POLR3GL: variants seen among roughly 807,000 people sequenced by gnomAD.
The protein encoded by POLR3GL is RNA polymerase III subunit GL.
In POLR3GL, 26 loss-of-function variants were observed where a neutral mutation model predicts 32.4. The ratio of observed to expected loss-of-function variants is 0.80; its 90% confidence interval spans 0.59 to 1.11. POLR3GL has a LOEUF of 1.11. Among genes scored for constraint, POLR3GL ranks in the 50% most tolerant of loss-of-function variants. The pLI, the probability that POLR3GL is intolerant of heterozygous loss-of-function variation, is 0.00. For missense variants in POLR3GL, 229 were observed against 280.1 expected, an observed-to-expected ratio of 0.82 and a Z score of 1.30; for synonymous variants, 95 against 98.7, an observed-to-expected ratio of 0.96 and a Z score of 0.22.
rs377331471 is a variant in POLR3GL, at chr1:145,973,792, G to A, written c.-41-1033G>A. ...AGAGTGAAGTCCTGCACTGGGAGGG[G>A]TTTAGACTAGATGACCTCTATAAGG... On this transcript the variant is annotated intron_variant, in intron 1 of 7. Coordinates refer to ENST00000369314, the MANE Select transcript of POLR3GL (RefSeq NM_032305.3). Among the ~76,000 whole-genome samples the A allele has an allele frequency of 1.4e-4, 21 of 151,942 alleles. 1 individual carries two copies. The highest frequency in any genetic ancestry group is 9.2e-4 in the Admixed American group (14 of 15,240).
intron 1 of POLR3GL, among the ~76,000 whole-genome samples, chr1:145,970,200 A>C (rs781847463): frequency 1.3e-5 from 2 of 152,146 alleles, no homozygotes; most frequent in Non-Finnish European, 2.9e-5. Flanking sequence ...GGGTGAGTGC[A>C]GTGACATGAT....
chr1:145,970,711 A>G (rs1553762516), intron 1 of POLR3GL, among the ~76,000 whole-genome samples: 1 of 150,942 alleles, frequency 6.6e-6, no homozygotes, highest in Non-Finnish European at 1.5e-5. Context: ...GTCTCTACTA[A>G]AAATACAAAA....
rs1553763813 is a variant in POLR3GL at position 145,978,078 on chromosome 1, T to A, written c.552T>A (p.Asp184Glu). Reference protein sequence around the residue: ...EKEEEEEEEYDEEEHEEETDY... With the variant: ...EKEEEEEEEYEEEEHEEETDY... ...AAGAGGAGGAAGAAGAAGAGTATGA[T>A]GAAGAAGAACATGAAGAGGTGAAGG... is the stretch of plus-strand genomic sequence containing the variant. Residue 184 changes from aspartate (D) to glutamate (E), a missense_variant, in exon 7 of 8, where the codon GAT (aspartate) becomes GAA (glutamate). Transcript: ENST00000369314. 6.2e-7 allele frequency: 1 copy of A among 1,601,784 alleles called. No individual in the cohort carries two copies. The highest frequency in any genetic ancestry group is 1.1e-5 in the South Asian group (1 of 89,968).
intron 2 of POLR3GL, 76 bp downstream of exon 2, chr1:145,975,067 C>T: frequency 6.8e-7 from 1 of 1,480,086 alleles, no homozygotes; most frequent in Non-Finnish European, 9.0e-7. Flanking sequence ...TCCTCCTGGA[C>T]CATCATAAAA....
At chr1:145,966,734 A>C (rs1302780565) in intron 1 of POLR3GL, among the ~76,000 whole-genome samples, 1 of 152,032 alleles carries the variant, frequency 6.6e-6, no homozygotes, top group Non-Finnish European at 1.5e-5. Flanking sequence ...GGTTGCGGTG[A>C]GCTGAGATTG....
chr1:145,976,572 G>C (rs1235180291), intron 3 of POLR3GL, among the ~76,000 whole-genome samples: 3 of 19,222 alleles, frequency 1.6e-4, no homozygotes, highest in African/African-American at 8.4e-4. Context: ...GCGAGATTCT[G>C]TCTGAAAAAA....
intron 4 of POLR3GL, 70 bp downstream of exon 4, chr1:145,977,222 A>G: frequency 1.5e-6 from 2 of 1,316,842 alleles, no homozygotes; most frequent in Non-Finnish European, 2.2e-6. Flanking sequence ...TATTCCCACC[A>G]CGCCCATGAC....
intron 3 of POLR3GL, among the ~76,000 whole-genome samples, chr1:145,976,297 G>A (rs587630508): frequency 7.2e-4 from 108 of 150,672 alleles, no homozygotes; most frequent in African/African-American, 2.5e-3. Flanking sequence ...AAAAAAAAAA[G>A]GCCAGGTGTG....
rs368041576 is a variant in POLR3GL, at chr1:145,977,970, A to G, written c.457-13A>G. 1.3e-4 allele frequency: 216 copies of G among 1,613,932 alleles called. No homozygotes were observed. The African/African-American group carries it at 2.6e-3, about 20-fold the overall frequency. On this transcript the variant is annotated splice_polypyrimidine_tract_variant and intron_variant, in intron 6 of 7. Transcript: ENST00000369314. Reference sequence around the variant, plus strand: ...TGAACCTGAGTTTCTATTCCTATTCATCCCCACATGAGACCCTGGAGAAGA... The same window carrying G: ...TGAACCTGAGTTTCTATTCCTATTCGTCCCCACATGAGACCCTGGAGAAGA...
At chr1:145,978,173 G>A (rs1650650679) in intron 7 of POLR3GL, 77 bp downstream of exon 7, 3 of 1,545,932 alleles carry the variant, frequency 1.9e-6, no homozygotes, top group Admixed American at 2.0e-5. Flanking sequence ...CAGAGGGTTG[G>A]CATGCCAACA....
intron 1 of POLR3GL, among the ~76,000 whole-genome samples, chr1:145,973,483 A>G (rs1388372736): frequency 6.6e-6 from 1 of 152,104 alleles, no homozygotes; most frequent in Non-Finnish European, 1.5e-5. Flanking sequence ...AAGCCCAAGC[A>G]GGTGGATCAT....
intron 1 of POLR3GL, among the ~76,000 whole-genome samples, chr1:145,965,491 G>T (rs1484839651): frequency 2.6e-5 from 4 of 152,164 alleles, no homozygotes; most frequent in African/African-American, 9.7e-5. Context: ...AGGCTTTATG[G>T]ATCACAATTT....
In POLR3GL at chr1:145,975,003, C is replaced by T; in HGVS notation, c.126+12C>T. On this transcript the variant is annotated intron_variant, in intron 2 of 7. Transcript: ENST00000369314. ...CTCCACTCTTCCCTGTGAGTCTCTC[C>T]ACTCCCTTCCCAGACTCTCATGTGC... 1.3e-6 allele frequency: 2 copies of T among 1,509,282 alleles called. No individual in the cohort carries two copies. Among genetic ancestry groups the T allele is most frequent in the Admixed American group, 4.8e-5 (2 of 41,300 alleles). 93.5% of individuals were successfully genotyped at this position (1,509,282 alleles called of 1,614,324 possible). A position where few individuals can be genotyped will look rare whatever the true frequency, so the allele number is the denominator to read the frequency against.
At position 145,977,139 on chromosome 1, in the gene POLR3GL, C is replaced by T. The variant is rs782482389; in HGVS notation, c.312C>T (p.Ile104=). Residue 104 remains isoleucine (I), a synonymous_variant, in exon 4 of 8, where the codon ATC becomes ATT. Transcript: ENST00000369314. ...YQMSGPIDNA[I]DWNPDWRRLP... is the part of the protein sequence containing the mutation. ...TGTCAGGTCCGATTGACAATGCCAT[C>T]GATTGGAACCCTGGTAGGTGATGGG... is the stretch of plus-strand genomic sequence containing the variant. 3.7e-6 allele frequency: 6 copies of T among 1,613,482 alleles called. No homozygotes were observed. The African/African-American group carries it at 4.0e-5, about 11-fold the overall frequency.
At chr1:145,970,517 G>A (rs111676438) in intron 1 of POLR3GL, among the ~76,000 whole-genome samples, 301 of 151,774 alleles carry the variant, frequency 2.0e-3, no homozygotes, top group African/African-American at 6.5e-3. Context: ...TAAGACTTAC[G>A]GAAAAATTTA....
In POLR3GL at chr1:145,970,437, C is replaced by T. The variant is rs990750343; in HGVS notation, c.-41-4388C>T. 8.5e-5 allele frequency among the ~76,000 whole-genome samples: 13 copies of T among 152,104 alleles called. No individual in the cohort carries two copies. In the East Asian group the frequency reaches 2.3e-3, roughly 27 times the overall value. On this transcript the variant is annotated intron_variant, in intron 1 of 7. Coordinates refer to ENST00000369314, the MANE Select transcript of POLR3GL (RefSeq NM_032305.3). ...CTGGGATTACAGGTGTGAACCACCACGCCCAGCCTCGAGTTTTTTTTGTTT... is the reference window on the plus strand; with the variant it reads ...CTGGGATTACAGGTGTGAACCACCATGCCCAGCCTCGAGTTTTTTTTGTTT...
chr1:145,977,558 AAGG>A lies in POLR3GL; in HGVS notation c.382+23_382+25del. 1 of 1,610,614 alleles carries A rather than the reference AAGG, an allele frequency of 6.2e-7. No individual in the cohort carries two copies. Among genetic ancestry groups the A allele is most frequent in the Non-Finnish European group, 8.5e-7 (1 of 1,176,786 alleles). On this transcript the variant is annotated intron_variant, in intron 5 of 7. Transcript: ENST00000369314. ...AAGGAACGTGAGTGTATCTGGAAAA[AAGG>A]AGGGAGAAGAGAGGTTTCCTTCATC... is the stretch of plus-strand genomic sequence containing the variant.
chr1:145,967,639 T>G (rs1457104686), intron 1 of POLR3GL, among the ~76,000 whole-genome samples: 2 of 152,222 alleles, frequency 1.3e-5, no homozygotes, highest in East Asian at 3.8e-4. Flanking sequence ...CAGGCCTCAG[T>G]GCCTGGATTT....
At chr1:145,978,216 CT>C (rs1311163462) in intron 7 of POLR3GL, 120 bp downstream of exon 7, 1 of 1,393,624 alleles carries the variant, frequency 7.2e-7, no homozygotes, top group African/African-American at 1.4e-5. Flanking sequence ...GGGCTTCTCT[CT>C]ACTTCATCTG....
Sources: gnomAD v4.1 joint callset for allele counts (sites outside exome capture counted in the v4.1 genomes callset) on GRCh38, gnomAD v4.1.1 for gene constraint, MANE v1.5 for transcripts, NCBI Gene and HGNC (gene_info 2026-07-23, HGNC 2026-07-21) for gene names.